LPIN1: variants seen among roughly 807,000 people sequenced by gnomAD.
The protein encoded by LPIN1 is lipin 1.
A neutral mutation model predicts 107.5 loss-of-function variants in LPIN1; 71 were observed. The observed-to-expected ratio is 0.66, with a 90% confidence interval of 0.55 to 0.80. LPIN1 has a LOEUF of 0.80. Ranked by LOEUF, LPIN1 falls within the 30% of genes least tolerant of loss-of-function variation. LPIN1 has a pLI of 0.00. For missense variants in LPIN1, 1,043 were observed against 1,160.6 expected, an observed-to-expected ratio of 0.90 and a Z score of 1.47; for synonymous variants, 445 against 452.6, an observed-to-expected ratio of 0.98 and a Z score of 0.21.
chr2:11,741,549 G>A (rs573977358), intron 2 of LPIN1: 1 of 740,536 alleles, frequency 1.4e-6, no homozygotes, highest in Non-Finnish European at 2.2e-6. Flanking sequence ...ATTGCCACTC[G>A]AGCTCAGGAG....
chr2:11,711,836 GA>G (rs1663432554), intron 1 of LPIN1, among the ~76,000 whole-genome samples: 1 of 152,222 alleles, frequency 6.6e-6, no homozygotes, highest in Admixed American at 6.5e-5. Flanking sequence ...GTAAGACACA[GA>G]TTTGATCATC....
chr2:11,719,547 A>C (rs1663978882), upstream of LPIN1, among the ~76,000 whole-genome samples: 1 of 152,238 alleles, frequency 6.6e-6, no homozygotes, highest in Non-Finnish European at 1.5e-5. Context: ...TCTCCATTGA[A>C]GATGCCCCTC....
intron 1 of LPIN1, among the ~76,000 whole-genome samples, chr2:11,705,064 C>A (rs1663059692): frequency 6.6e-6 from 1 of 152,204 alleles, no homozygotes; most frequent in Non-Finnish European, 1.5e-5. Flanking sequence ...CCCTTGAGGG[C>A]TACAGAGATC....
intron 1 of LPIN1, among the ~76,000 whole-genome samples, chr2:11,678,728 C>G (rs1467499609): frequency 6.6e-6 from 1 of 152,212 alleles, no homozygotes; most frequent in African/African-American, 2.4e-5. Flanking sequence ...GCAGTGAGGG[C>G]TCTCTAGGGA....
At position 11,827,300 on chromosome 2, in the gene LPIN1, T is replaced by C. The variant is rs1343276226; in HGVS notation, c.*2509T>C. The C allele has an allele frequency of 6.6e-6, 1 of 152,306 alleles. No individual in the cohort carries two copies. The highest frequency in any genetic ancestry group is 1.5e-5 in the Non-Finnish European group (1 of 68,046). 9.4% of individuals were successfully genotyped at this position (152,306 alleles called of 1,614,324 possible). A position where few individuals can be genotyped will look rare whatever the true frequency, so the allele number is the denominator to read the frequency against. The stretch of plus-strand genomic sequence containing the variant: ...TTTATTTGCATTTGATCTGTATTTG[T>C]ATATGCTGATGCAATGATAAAAATC... On this transcript the variant is annotated 3_prime_UTR_variant, in exon 21 of 21. Coordinates refer to ENST00000674199, the MANE Select transcript of LPIN1 (RefSeq NM_001349206.2). The surrounding 1 kb of genome is among the most constrained non-coding windows in gnomAD (Gnocchi z 4.1).
chr2:11,772,683 C>A (rs1478702558), intron 4 of LPIN1, among the ~76,000 whole-genome samples: 2 of 151,994 alleles, frequency 1.3e-5, no homozygotes, highest in Non-Finnish European at 2.9e-5. Flanking sequence ...TGGTGAAATT[C>A]TGTTTGTATG....
At position 11,746,693 on chromosome 2, in the gene LPIN1, C is replaced by A; in HGVS notation, c.-10+22C>A. ...CTCGGTGAGTAGCCGCCGCCTCCAG[C>A]CTCCCGCTGTGGAGCAGGGGCCGCA... is the stretch of plus-strand genomic sequence containing the variant. On this transcript the variant is annotated intron_variant, in intron 1 of 20. Coordinates refer to ENST00000674199, the MANE Select transcript of LPIN1 (RefSeq NM_001349206.2). The A allele has an allele frequency of 3.1e-6, 3 of 982,266 alleles. No individual in the cohort carries two copies. In the South Asian group the frequency reaches 1.4e-4, roughly 46 times the overall value. 60.8% of individuals were successfully genotyped at this position (982,266 alleles called of 1,614,324 possible). A position where few individuals can be genotyped will look rare whatever the true frequency, so the allele number is the denominator to read the frequency against.
chr2:11,684,286 A>G (rs1661883387), intron 1 of LPIN1, among the ~76,000 whole-genome samples: 2 of 151,966 alleles, frequency 1.3e-5, no homozygotes, highest in Admixed American at 1.3e-4. Context: ...CAATCCTCCC[A>G]CCTCATCCTC....
intron 1 of LPIN1, among the ~76,000 whole-genome samples, chr2:11,693,821 TA>T (rs59683804): frequency 3.5e-3 from 92 of 26,264 alleles, no homozygotes; most frequent in Middle Eastern, 0.026. Context: ...TATATATATA[TA>T]TTTTTTTTTT....
Position 11,784,867 on chromosome 2 carries a change from C to A in LPIN1, c.1359-19C>A. On this transcript the variant is annotated intron_variant, in intron 9 of 20. Transcript: ENST00000674199. ...TGGGACAGTCCTCAGCCGGTCTCTG[C>A]CGCTTTTCCTCCTTCCAGCGGAGAT... The A allele has an allele frequency of 1.2e-6, 2 of 1,613,328 alleles. No homozygotes were observed. The highest frequency in any genetic ancestry group is 2.2e-5 in the East Asian group (1 of 44,878).
rs140894707 is a variant in LPIN1, at chr2:11,803,607, T to C, written c.2013+574T>C. ...TGAATCAAGTCTTGTGCATTTCTCC[T>C]AAGAGTTAGTGGGGAGCCTGGCTCA... On this transcript the variant is annotated intron_variant, in intron 15 of 20. Transcript: ENST00000674199. The surrounding 1 kb of genome is among the most constrained non-coding windows in gnomAD (Gnocchi z 4.2). Among the ~76,000 whole-genome samples the C allele has an allele frequency of 1.9e-3, 296 of 152,270 alleles. 1 individual carries two copies. The highest frequency in any genetic ancestry group is 7.0e-3 in the African/African-American group (289 of 41,560).
Position 11,782,336 on chromosome 2 carries a change from G to A in LPIN1, c.1093G>A (p.Ala365Thr). 6.2e-7 allele frequency: 1 copy of A among 1,614,166 alleles called. No homozygotes were observed. Among genetic ancestry groups the A allele is most frequent in the Non-Finnish European group, 8.5e-7 (1 of 1,180,028 alleles). The change falls in exon 8 of 21, where the codon GCA becomes ACA. Residue 365 changes from alanine to threonine, a missense_variant. Transcript: ENST00000674199. ...CCAATCGCCAACTCTGGTCGGTGGG[G>A]CACTTTTGGACCAGAACAAGCCTCA... ...SDQSPTLVGGALLDQNKPQTE... is the reference protein window; with the variant it reads ...SDQSPTLVGGTLLDQNKPQTE...
At chr2:11,823,341 C>T (rs1419106569) in intron 20 of LPIN1, among the ~76,000 whole-genome samples, 1 of 152,154 alleles carries the variant, frequency 6.6e-6, no homozygotes, top group Non-Finnish European at 1.5e-5. Flanking sequence ...CCTGCTGCCG[C>T]AGCCACAAAC....
intron 6 of LPIN1, among the ~76,000 whole-genome samples, chr2:11,777,767 G>C (rs1277688131): frequency 6.6e-6 from 1 of 152,202 alleles, no homozygotes; most frequent in Non-Finnish European, 1.5e-5. Context: ...ATTTCATTTA[G>C]TGACAGTGAG....
chr2:11,728,287 G>T (rs886957806), intron 1 of LPIN1, among the ~76,000 whole-genome samples: 1 of 152,044 alleles, frequency 6.6e-6, no homozygotes, highest in East Asian at 1.9e-4. Context: ...GCTGGGTCTC[G>T]CTTTTTTATC....
intron 17 of LPIN1, among the ~76,000 whole-genome samples, chr2:11,812,222 T>C (rs1679788698): frequency 1.3e-5 from 2 of 152,214 alleles, no homozygotes; most frequent in East Asian, 1.9e-4. Flanking sequence ...TCAGCAAATA[T>C]TCACTAAATG....
intron 2 of LPIN1, among the ~76,000 whole-genome samples, chr2:11,716,382 A>T (rs1663742002): frequency 1.3e-5 from 2 of 151,984 alleles, no homozygotes; most frequent in East Asian, 3.9e-4. Context: ...TAAGACTCAA[A>T]GTCTCTCTCT....
intron 12 of LPIN1, 172 bp from the exon 13 acceptor site, chr2:11,791,742 A>T: frequency 6.8e-7 from 1 of 1,467,168 alleles, no homozygotes; most frequent in Non-Finnish European, 9.1e-7. Context: ...GTAATTTTGG[A>T]CGCCATTAGG....
chr2:11,783,354 C>A (rs1673895369), intron 8 of LPIN1, among the ~76,000 whole-genome samples: 1 of 152,178 alleles, frequency 6.6e-6, no homozygotes, highest in African/African-American at 2.4e-5. Context: ...CAGTACACTT[C>A]AGGCACTTTA....
Sources: gnomAD v4.1 joint callset for allele counts (sites outside exome capture counted in the v4.1 genomes callset) on GRCh38, gnomAD v4.1.1 for gene constraint, Gnocchi (gnomAD v3.1) non-coding constraint, MANE v1.5 for transcripts, NCBI Gene and HGNC (gene_info 2026-07-23, HGNC 2026-07-21) for gene names.